The following ZBTB16 variants were observed in gnomAD, a reference collection of about 807,000 sequenced individuals.
ZBTB16 encodes the protein zinc finger and BTB domain-containing protein 16.
A neutral mutation model predicts 56.8 loss-of-function variants in ZBTB16; 8 were observed. The ratio of observed to expected loss-of-function variants is 0.14; its 90% CI spans 0.08 to 0.25. The LOEUF (loss-of-function observed/expected upper bound fraction) is 0.25, where lower values mean the gene tolerates loss of function less well. ZBTB16 is among the 10% of genes least tolerant of loss of function. The pLI is 1.00. For synonymous variants in ZBTB16, 363 were observed against 368.5 expected (o/e 0.98, Z 0.17); for missense variants, 625 against 903.0 (o/e 0.69, Z 3.95).
Position 114,255,718 on chromosome 11 carries a change from TAAAA to T in ZBTB16, c.*5175_*5178del, listed in dbSNP as rs10576984. ...TAATTTCAGTGTTTCTGACAAGATT[TAAAA>T]AAAAAAAAAAAGGAAAAAAAAAGAA... On this transcript the variant is annotated 3_prime_UTR_variant, in exon 7 of 7. Coordinates refer to ENST00000335953, the MANE Select transcript of ZBTB16 (RefSeq NM_006006.6). 3.5e-5 allele frequency among the ~76,000 whole-genome samples: 5 copies of T among 143,268 alleles called. No homozygotes were observed. The highest frequency in any genetic ancestry group is 6.9e-5 in the Admixed American group (1 of 14,458). The allele number at this position is 143,268 out of a possible 152,430, so 94.0% of individuals were successfully genotyped here.
In ZBTB16 at chr11:114,248,002, A is replaced by G. The variant is rs533691853; in HGVS notation, c.1792+637A>G. Among the ~76,000 whole-genome samples, 16 of 152,046 alleles carry G rather than the reference A, an allele frequency of 1.1e-4. No homozygotes were observed. In the East Asian group the frequency reaches 2.9e-3, roughly 28 times the overall value. ...AATCTCTGCCTCCTGGGTTCAAGCGATTCTCCTGCCTCAGCCTCCCAATTA... is the reference window on the plus strand; with the variant it reads ...AATCTCTGCCTCCTGGGTTCAAGCGGTTCTCCTGCCTCAGCCTCCCAATTA... On this transcript the variant is annotated intron_variant, in intron 6 of 6. Coordinates refer to ENST00000335953, the MANE Select transcript of ZBTB16 (RefSeq NM_006006.6).
At chr11:114,125,094 A>G (rs1473892672) in intron 2 of ZBTB16, among the ~76,000 whole-genome samples, 1 of 151,756 alleles carries the variant, frequency 6.6e-6, no homozygotes, top group Non-Finnish European at 1.5e-5. Flanking sequence ...TTATAGTTCT[A>G]TTGGAGTTAA....
Position 114,143,834 on chromosome 11 carries a change from G to T in ZBTB16, c.1269-12503G>T, listed in dbSNP as rs1458844742. Among the ~76,000 whole-genome samples the T allele has an allele frequency of 2.0e-5, 3 of 152,226 alleles. No homozygotes were observed. The highest frequency in any genetic ancestry group is 4.4e-5 in the Non-Finnish European group (3 of 68,050). ...CTGTTTCAAGATTACATAGCATGCAGTATGTTGTTGGGTATTGTGTTGCAC... is the reference window on the plus strand; with the variant it reads ...CTGTTTCAAGATTACATAGCATGCATTATGTTGTTGGGTATTGTGTTGCAC... On this transcript the variant is annotated intron_variant, in intron 2 of 6. Transcript: ENST00000335953. This position sits in a 1 kb window ranked among gnomAD's most constrained non-coding sequence, Gnocchi z 6.4.
chr11:114,063,297 C>T lies in ZBTB16; in HGVS notation c.-4C>T. On this transcript the variant is annotated 5_prime_UTR_variant, in exon 2 of 7. Transcript: ENST00000335953. The surrounding 1 kb of genome is among the most constrained non-coding windows in gnomAD (Gnocchi z 6.5). ...AGCCTCATGCCTGAGCCGAGGGGAG[C>T]ACCATGGATCTGACAAAAATGGGCA... is the stretch of plus-strand genomic sequence containing the variant. 2 of 1,613,640 alleles carry T rather than the reference C, an allele frequency of 1.2e-6. No homozygotes were observed. The highest frequency in any genetic ancestry group is 1.7e-6 in the Non-Finnish European group (2 of 1,179,954).
intron 2 of ZBTB16, among the ~76,000 whole-genome samples, chr11:114,147,367 A>T (rs1353219546): frequency 6.6e-6 from 1 of 152,236 alleles, no homozygotes; most frequent in African/African-American, 2.4e-5. Context: ...GAACAAGGAG[A>T]TAAAGGAAAA....
chr11:114,070,101 T>C (rs1304207754), intron 2 of ZBTB16, among the ~76,000 whole-genome samples: 4 of 94,006 alleles, frequency 4.3e-5, no homozygotes, highest in Admixed American at 1.1e-4. Flanking sequence ...TTTCTTTTTT[T>C]TTTTTTTTTT....
At position 114,242,301 on chromosome 11, in the gene ZBTB16, C is replaced by G; in HGVS notation, c.1588C>G (p.His530Asp). Reference sequence around the variant, plus strand: ...TGAGTGCAACCGCACCTTCCCCAGCCACACGGCTCTCAAACGCCACCTGCG... The same window carrying G: ...TGAGTGCAACCGCACCTTCCCCAGCGACACGGCTCTCAAACGCCACCTGCG... Reference protein sequence around the residue: ...CSECNRTFPSHTALKRHLRSH... With the variant: ...CSECNRTFPSDTALKRHLRSH... The change falls in exon 5 of 7, where the codon CAC (histidine) becomes GAC (aspartate). Residue 530 changes from histidine to aspartate, a missense_variant. By Grantham distance (81) the His-to-Asp change is moderately conservative. This residue lies in a region of ZBTB16 where 140 missense variants were observed against 214.8 expected (regional missense o/e 0.65). Transcript: ENST00000335953. 1 of 1,614,042 alleles carries G rather than the reference C, an allele frequency of 6.2e-7. No individual in the cohort carries two copies. Among genetic ancestry groups the G allele is most frequent in the Non-Finnish European group, 8.5e-7 (1 of 1,180,044 alleles).
At chr11:114,194,026 T>C (rs980502710) in intron 4 of ZBTB16, among the ~76,000 whole-genome samples, 2 of 152,202 alleles carry the variant, frequency 1.3e-5, no homozygotes, top group Non-Finnish European at 2.9e-5. Context: ...TGTAGGCTGA[T>C]TGGTTCCGGG....
chr11:114,097,271 G>A (rs1015611227), intron 2 of ZBTB16, among the ~76,000 whole-genome samples: 3 of 152,100 alleles, frequency 2.0e-5, no homozygotes, highest in African/African-American at 7.2e-5. Context: ...GTAGAAACAC[G>A]AACTAGAATA....
At chr11:114,103,293 C>A (rs1455996653) in intron 2 of ZBTB16, among the ~76,000 whole-genome samples, 4 of 152,076 alleles carry the variant, frequency 2.6e-5, no homozygotes, top group Non-Finnish European at 5.9e-5. Context: ...ACCCCCACCA[C>A]CCCCCAGCCT....
chr11:114,163,702 C>T (rs1942661894), intron 3 of ZBTB16, among the ~76,000 whole-genome samples: 1 of 152,152 alleles, frequency 6.6e-6, no homozygotes, highest in Non-Finnish European at 1.5e-5. Context: ...TCACATGTCC[C>T]TGCCCCCAAA....
intron 2 of ZBTB16, among the ~76,000 whole-genome samples, chr11:114,078,189 T>A (rs1042271548): frequency 6.6e-5 from 10 of 152,220 alleles, no homozygotes; most frequent in African/African-American, 2.4e-4. Flanking sequence ...TCCTCCTTCA[T>A]GTGGACATGC....
chr11:114,131,911 A>G (rs1177585532), intron 2 of ZBTB16, among the ~76,000 whole-genome samples: 1 of 152,178 alleles, frequency 6.6e-6, no homozygotes, highest in Non-Finnish European at 1.5e-5. Context: ...GAGATTTTGC[A>G]TGCTCTGTAT....
chr11:114,250,938 G>A lies in ZBTB16; in HGVS notation c.*383G>A, dbSNP rs1312944752. ...TGGTCAGAGCCACACGGTCTGTGCC[G>A]GCCTTCCTCCACCAAGACCCCCAGG... On this transcript the variant is annotated 3_prime_UTR_variant, in exon 7 of 7. Transcript: ENST00000335953. This position sits in a 1 kb window ranked among gnomAD's most constrained non-coding sequence, Gnocchi z 6.0. Among the ~76,000 whole-genome samples the A allele has an allele frequency of 6.6e-6, 1 of 152,170 alleles. No homozygotes were observed. Among genetic ancestry groups the A allele is most frequent in the Admixed American group, 6.5e-5 (1 of 15,288 alleles).
chr11:114,237,703 G>A (rs915180640), intron 4 of ZBTB16, among the ~76,000 whole-genome samples: 2 of 144,842 alleles, frequency 1.4e-5, no homozygotes, highest in Non-Finnish European at 3.2e-5. Context: ...TCATACATGC[G>A]AACAATCAGC....
At chr11:114,119,068 C>A (rs1005011144) in intron 2 of ZBTB16, among the ~76,000 whole-genome samples, 1 of 151,758 alleles carries the variant, frequency 6.6e-6, no homozygotes, top group Non-Finnish European at 1.5e-5. Context: ...AGTTTGAGAC[C>A]AGCCTGGTCA....
At chr11:114,104,850 A>G (rs980100323) in intron 2 of ZBTB16, among the ~76,000 whole-genome samples, 1 of 152,176 alleles carries the variant, frequency 6.6e-6, no homozygotes, top group African/African-American at 2.4e-5. Flanking sequence ...CTTGTCATCT[A>G]GATGTTCTTG....
intron 2 of ZBTB16, among the ~76,000 whole-genome samples, chr11:114,078,374 A>G (rs1939643600): frequency 6.6e-6 from 1 of 152,212 alleles, no homozygotes; most frequent in Non-Finnish European, 1.5e-5. Flanking sequence ...AATGATGTTC[A>G]TCTGAAATCT....
intron 2 of ZBTB16, among the ~76,000 whole-genome samples, chr11:114,112,229 A>G (rs1941029361): frequency 6.6e-6 from 1 of 152,198 alleles, no homozygotes. Flanking sequence ...CATGGCAAAG[A>G]TTCTTCCCAG....
Sources: gnomAD v4.1 joint callset for allele counts (sites outside exome capture counted in the v4.1 genomes callset) on GRCh38, gnomAD v4.1.1 for gene constraint, gnomAD v4.1.1 regional missense constraint, Gnocchi (gnomAD v3.1) non-coding constraint, MANE v1.5 for transcripts, NCBI Gene and HGNC (gene_info 2026-07-23, HGNC 2026-07-21) for gene names.